Variants in RUNX2 observed in about 807,000 individuals in gnomAD.
RUNX2 encodes the protein RUNX family transcription factor 2.
In RUNX2, 10 loss-of-function variants were observed where a neutral mutation model predicts 51.7. That is an observed-to-expected ratio of 0.19 (90% confidence interval 0.12 to 0.33). RUNX2 has a LOEUF of 0.33. Ranked by LOEUF, RUNX2 falls within the 10% of genes least tolerant of loss-of-function variation. The probability of loss-of-function intolerance (pLI) is 1.00; values close to 1 mark genes in which losing one functional copy is unlikely to be tolerated. For missense variants in RUNX2, 562 were observed against 691.3 expected (o/e 0.81, Z 2.10); for synonymous variants, 276 against 273.6 (o/e 1.01, Z -0.09).
intron 3 of RUNX2, among the ~76,000 whole-genome samples, chr6:45,424,286 G>T (rs1043329516): frequency 6.6e-6 from 1 of 152,354 alleles, no homozygotes; most frequent in South Asian, 2.1e-4. Flanking sequence ...CCCTCTACAG[G>T]GGGGAGACGC....
chr6:45,355,842 A>G (rs1160522835), intron 2 of RUNX2, among the ~76,000 whole-genome samples: 1 of 152,168 alleles, frequency 6.6e-6, no homozygotes, highest in Non-Finnish European at 1.5e-5. Context: ...TCCAACCAAA[A>G]AGAATGTTAT....
chr6:45,410,794 C>A (rs1274868329), intron 2 of RUNX2, among the ~76,000 whole-genome samples: 1 of 152,192 alleles, frequency 6.6e-6, no homozygotes, highest in African/African-American at 2.4e-5. Flanking sequence ...CCTTGTCTTT[C>A]TTTTCACCTG....
At chr6:45,509,768 C>G (rs958795457) in intron 6 of RUNX2, among the ~76,000 whole-genome samples, 8 of 152,176 alleles carry the variant, frequency 5.3e-5, no homozygotes, top group Non-Finnish European at 1.2e-4. Context: ...GTTGAGTACC[C>G]TAATTCCTTT....
At chr6:45,542,407 G>C (rs1429631187) in intron 7 of RUNX2, among the ~76,000 whole-genome samples, 1 of 152,192 alleles carries the variant, frequency 6.6e-6, no homozygotes, top group Non-Finnish European at 1.5e-5. Flanking sequence ...AGTTCTTGCA[G>C]CTCTTTTTAT....
rs542753855 is a variant in RUNX2 at position 45,348,231 on chromosome 6, G to GA, written c.58+19450dup. Among the ~76,000 whole-genome samples, 407 of 152,114 alleles carry GA rather than the reference G, an allele frequency of 2.7e-3. 4 individuals carry two copies. The highest frequency in any genetic ancestry group is 0.017 in the Middle Eastern group (5 of 294). On this transcript the variant is annotated intron_variant, in intron 2 of 8. Transcript: ENST00000647337. ...AGTTAAAAGTCTGACTCTGGAGTCA[G>GA]AAAGACCAAATCTAATCCCAGTTCT...
chr6:45,458,405 A>G (rs979463114), intron 5 of RUNX2, among the ~76,000 whole-genome samples: 1 of 152,222 alleles, frequency 6.6e-6, no homozygotes, highest in African/African-American at 2.4e-5. Context: ...TACATTCTTG[A>G]TGAAACTACC....
chr6:45,529,639 A>G (rs1801779902), intron 7 of RUNX2, among the ~76,000 whole-genome samples: 1 of 152,072 alleles, frequency 6.6e-6, no homozygotes, highest in Non-Finnish European at 1.5e-5. Context: ...TTCATTTAGA[A>G]GGGTATAGTA....
intron 2 of RUNX2, among the ~76,000 whole-genome samples, chr6:45,388,891 G>A (rs1485421358): frequency 6.6e-6 from 1 of 152,038 alleles, no homozygotes; most frequent in Non-Finnish European, 1.5e-5. Flanking sequence ...TAAAATTGTT[G>A]TTCATAGCAT....
At position 45,353,949 on chromosome 6, in the gene RUNX2, G is replaced by A. The variant is rs565674998; in HGVS notation, c.58+25165G>A. Among the ~76,000 whole-genome samples the A allele has an allele frequency of 1.3e-4, 20 of 152,052 alleles. No individual in the cohort carries two copies. In the South Asian group the frequency reaches 3.7e-3, roughly 28 times the overall value. On this transcript the variant is annotated intron_variant, in intron 2 of 8. Coordinates refer to ENST00000647337, the MANE Select transcript of RUNX2 (RefSeq NM_001024630.4). The stretch of plus-strand genomic sequence containing the variant: ...ACAGTAGAATTATACTAAGAATACA[G>A]ACAAGCACAAAAGAAGAAATAAAAA...
rs148867617 is a variant in RUNX2 at position 45,369,263 on chromosome 6, TTCTC to T, written c.58+40483_58+40486del. On this transcript the variant is annotated intron_variant, in intron 2 of 8. Coordinates refer to ENST00000647337, the MANE Select transcript of RUNX2 (RefSeq NM_001024630.4). Reference sequence around the variant, plus strand: ...TTCTTTTGAACCTTTACCCCTACAGTTCTCTCTACTTGCAATACCTTTTGAAACA... The same window carrying T: ...TTCTTTTGAACCTTTACCCCTACAGTTCTACTTGCAATACCTTTTGAAACA... 9.9e-5 allele frequency among the ~76,000 whole-genome samples: 15 copies of T among 152,200 alleles called. No individual in the cohort carries two copies. In the East Asian group the frequency reaches 1.2e-3, roughly 12 times the overall value.
chr6:45,378,107 C>T (rs555160974), intron 2 of RUNX2, among the ~76,000 whole-genome samples: 5 of 152,198 alleles, frequency 3.3e-5, no homozygotes, highest in African/African-American at 1.2e-4. Context: ...ACTTCCGCCA[C>T]GCTCGCCGGG....
Position 45,538,351 on chromosome 6 carries a change from G to A in RUNX2, c.1022-6866G>A, listed in dbSNP as rs1457990706. ...CCTCTGCCTCGCTCGCCATCTCCCC[G>A]CCACCTCCCACCCCCTCATTTGCAC... On this transcript the variant is annotated intron_variant, in intron 7 of 8. Coordinates refer to ENST00000647337, the MANE Select transcript of RUNX2 (RefSeq NM_001024630.4). Among the ~76,000 whole-genome samples the A allele has an allele frequency of 6.6e-5, 10 of 152,126 alleles. No homozygotes were observed. In the South Asian group the frequency reaches 8.3e-4, roughly 13 times the overall value.
chr6:45,542,317 G>A (rs1449412011), intron 7 of RUNX2, among the ~76,000 whole-genome samples: 1 of 152,152 alleles, frequency 6.6e-6, no homozygotes, highest in East Asian at 1.9e-4. Context: ...CCATGGAAAT[G>A]TTATTAATAT....
In RUNX2 at chr6:45,422,627, C is replaced by T; in HGVS notation, c.93C>T (p.Ser31=). The change falls in exon 3 of 9, where the codon TCC becomes TCT. Residue 31 remains serine, a synonymous_variant. Transcript: ENST00000647337. ...CCAGCCGGCGCTTCAGCCCCCCCTCCAGCAGCCTGCAGCCCGGCAAAATGA... is the reference window on the plus strand; with the variant it reads ...CCAGCCGGCGCTTCAGCCCCCCCTCTAGCAGCCTGCAGCCCGGCAAAATGA... The part of the protein sequence containing the change: ...PSTSRRFSPP[S]SSLQPGKMSD... The T allele has an allele frequency of 6.2e-7, 1 of 1,607,088 alleles. No homozygotes were observed. Among genetic ancestry groups the T allele is most frequent in the Non-Finnish European group, 8.5e-7 (1 of 1,177,588 alleles).
At chr6:45,546,036 T>A (rs1802388696) in intron 8 of RUNX2, among the ~76,000 whole-genome samples, 1 of 152,106 alleles carries the variant, frequency 6.6e-6, no homozygotes, top group South Asian at 2.1e-4. Context: ...CTCCTCTTAA[T>A]CTCCCCTAGG....
At chr6:45,329,483 T>C (rs1787021222) in intron 2 of RUNX2, among the ~76,000 whole-genome samples, 1 of 151,980 alleles carries the variant, frequency 6.6e-6, no homozygotes, top group Non-Finnish European at 1.5e-5. Flanking sequence ...AAAACTTACA[T>C]GCAACTGCAT....
intron 2 of RUNX2, among the ~76,000 whole-genome samples, chr6:45,415,346 AAG>A (rs796685352): frequency 1.6e-4 from 25 of 152,314 alleles, no homozygotes; most frequent in African/African-American, 5.8e-4. Context: ...GCAACAAAGT[AAG>A]AGTCCTCCCC....
chr6:45,542,427 A>G (rs1802259403), intron 7 of RUNX2, among the ~76,000 whole-genome samples: 1 of 152,184 alleles, frequency 6.6e-6, no homozygotes, highest in Admixed American at 6.5e-5. Flanking sequence ...TGACAGCTAC[A>G]TTTGTTTGCA....
chr6:45,441,595 A>G (rs1481797851), intron 5 of RUNX2, among the ~76,000 whole-genome samples: 1 of 152,196 alleles, frequency 6.6e-6, no homozygotes, highest in Non-Finnish European at 1.5e-5. Context: ...CGTTGGCTGT[A>G]GAGTTTTGCT....
Sources: allele counts gnomAD v4.1 joint callset (sites outside exome capture counted in the v4.1 genomes callset), GRCh38; gene constraint gnomAD v4.1.1; transcripts MANE v1.5; gene names NCBI Gene and HGNC (gene_info 2026-07-23, HGNC 2026-07-21).